Variants in GADL1 observed in about 807,000 individuals in gnomAD.
The protein encoded by GADL1 is acidic amino acid decarboxylase GADL1.
Under a neutral mutation model 69.5 loss-of-function variants are expected in GADL1, and 71 were observed. The ratio of observed to expected loss-of-function variants is 1.02; its 90% CI spans 0.84 to 1.25. The LOEUF is 1.25. GADL1 is among the 50% of genes most tolerant of loss of function. The pLI, the probability that GADL1 is intolerant of heterozygous loss-of-function variation, is 0.00. For missense variants in GADL1, 737 were observed against 631.8 expected (o/e 1.17, Z -1.79); for synonymous variants, 254 against 214.4 (o/e 1.18, Z -1.62).
chr3:30,766,167 AG>A (rs1696270803), intron 14 of GADL1, among the ~76,000 whole-genome samples: 1 of 152,204 alleles, frequency 6.6e-6, no homozygotes, highest in Non-Finnish European at 1.5e-5. Context: ...TATATATCTG[AG>A]GCCTCCAGGA....
In GADL1 at chr3:30,778,369, T is replaced by G. The variant is rs71323027; in HGVS notation, c.1303-101A>C. On this transcript the variant is annotated intron_variant, in intron 13 of 14. Coordinates refer to ENST00000282538, the MANE Select transcript of GADL1 (RefSeq NM_207359.3). ...TAGCTAGTTTCTTCAAGAGTTATCA[T>G]GTGTATAAAATTTTAACATCAGAAT... The G allele has an allele frequency of 5.2e-3, 3,812 of 731,722 alleles. 15 individuals carry two copies. Among genetic ancestry groups the G allele is most frequent in the Middle Eastern group, 8.1e-3 (22 of 2,706 alleles). The allele number at this position is 731,722 out of a possible 1,614,324, so 45.3% of individuals were successfully genotyped here.
At position 30,836,929 on chromosome 3, in the gene GADL1, T is replaced by TA. The variant is rs146679307; in HGVS notation, c.903+2067dup. Reference sequence around the variant, plus strand: ...AACTAGTTTTTCTTATTCGGTTGTTTAAAAAACGCATTATATTACCAAATT... The same window carrying TA: ...AACTAGTTTTTCTTATTCGGTTGTTTAAAAAAACGCATTATATTACCAAATT... On this transcript the variant is annotated intron_variant, in intron 9 of 14. Transcript: ENST00000282538. 0.011 allele frequency among the ~76,000 whole-genome samples: 1,631 copies of TA among 150,498 alleles called. 79 individuals are homozygous for TA. The East Asian group carries it at 0.19, about 17-fold the overall frequency.
chr3:30,755,952 T>C (rs1870702), intron 14 of GADL1, among the ~76,000 whole-genome samples: 64,669 of 151,890 alleles, frequency 0.43, 14,320 homozygotes, highest in African/African-American at 0.53. Flanking sequence ...TCCCACAAGC[T>C]GCCTCCTATA....
chr3:30,789,381 T>A (rs576450900), intron 12 of GADL1, among the ~76,000 whole-genome samples: 4 of 152,212 alleles, frequency 2.6e-5, no homozygotes, highest in Admixed American at 6.5e-5. Context: ...CATAAAGAGA[T>A]GTGCTGTCAC....
In GADL1 at chr3:30,861,587, T is replaced by G. The variant is rs1225432371; in HGVS notation, c.210+6A>C. On this transcript the variant is annotated splice_donor_region_variant and intron_variant, in intron 2 of 14. Transcript: ENST00000282538. ...TCTGCAATTTCTTACAGGTTTTAAT[T>G]TTTACCTTCTCATTGACATCTGTAG... 2 of 1,540,802 alleles carry G rather than the reference T, an allele frequency of 1.3e-6. No homozygotes were observed. The highest frequency in any genetic ancestry group is 2.0e-5 in the Admixed American group (1 of 49,500).
rs573847782 is a variant in GADL1, at chr3:30,804,682, C to T, written c.1051-3594G>A. ...TTTCCACCCACTGACTCCCAACCTG[C>T]CCCTTGGCTATGAATCCCTACTTGT... is the stretch of plus-strand genomic sequence containing the variant. On this transcript the variant is annotated intron_variant, in intron 11 of 14. Transcript: ENST00000282538. 2.6e-5 allele frequency among the ~76,000 whole-genome samples: 4 copies of T among 152,328 alleles called. No homozygotes were observed. The South Asian group carries it at 8.3e-4, about 32-fold the overall frequency.
At chr3:30,754,371 A>AG (rs1553635709) in intron 14 of GADL1, among the ~76,000 whole-genome samples, 3,668 of 152,012 alleles carry the variant, frequency 0.024, 140 homozygotes, top group African/African-American at 0.082. Context: ...TTCAGGAAAG[A>AG]ATATGTTGGG....
intron 8 of GADL1, among the ~76,000 whole-genome samples, chr3:30,840,974 C>T (rs1697956292): frequency 6.6e-6 from 1 of 152,176 alleles, no homozygotes; most frequent in Admixed American, 6.5e-5. Flanking sequence ...ACCTCTGATG[C>T]TTTGTGTTTT....
chr3:30,793,340 C>CT (rs1016465484), intron 12 of GADL1, among the ~76,000 whole-genome samples: 3 of 151,956 alleles, frequency 2.0e-5, no homozygotes, highest in South Asian at 2.1e-4. Context: ...TTCCTCGTAA[C>CT]TTTTTTTTCA....
At chr3:30,815,422 C>A (rs1308417396) in intron 11 of GADL1, among the ~76,000 whole-genome samples, 2 of 152,092 alleles carry the variant, frequency 1.3e-5, no homozygotes, top group Non-Finnish European at 2.9e-5. Flanking sequence ...GTTTCCAAAC[C>A]AAACAAGAAA....
chr3:30,860,055 T>C (rs1698296870), intron 2 of GADL1, among the ~76,000 whole-genome samples: 1 of 151,898 alleles, frequency 6.6e-6, no homozygotes. Flanking sequence ...ATTATTGACC[T>C]TCCTGCTTTC....
chr3:30,835,780 G>T lies in GADL1; in HGVS notation c.904-1499C>A, dbSNP rs543418887. 2.6e-5 allele frequency among the ~76,000 whole-genome samples: 4 copies of T among 152,100 alleles called. No homozygotes were observed. In the East Asian group the frequency reaches 5.8e-4, roughly 22 times the overall value. ...CCTGCGAGCTCTGATGTGTTTCAAG[G>T]GTGTTGGGTGTTCAAATCCCAAGGA... On this transcript the variant is annotated intron_variant, in intron 9 of 14. Coordinates refer to ENST00000282538, the MANE Select transcript of GADL1 (RefSeq NM_207359.3).
intron 2 of GADL1, among the ~76,000 whole-genome samples, chr3:30,858,048 C>T (rs1189445487): frequency 2.0e-5 from 3 of 152,006 alleles, no homozygotes; most frequent in Non-Finnish European, 4.4e-5. Flanking sequence ...TCTATCAATC[C>T]CCTTTAACAT....
rs372857650 is a variant in GADL1 at position 30,849,235 on chromosome 3, C to T, written c.651+761G>A. ...CCCTAGACATGGAAGGGGGCCCAGC[C>T]AAGAGCAGCAAATCTGCCCAGCTAT... On this transcript the variant is annotated intron_variant, in intron 6 of 14. Transcript: ENST00000282538. 2.1e-3 allele frequency among the ~76,000 whole-genome samples: 316 copies of T among 152,170 alleles called. 1 individual carries two copies. Among genetic ancestry groups the T allele is most frequent in the African/African-American group, 7.3e-3 (304 of 41,522 alleles).
At chr3:30,889,898 T>C (rs749789350) in intron 1 of GADL1, among the ~76,000 whole-genome samples, 2 of 152,194 alleles carry the variant, frequency 1.3e-5, no homozygotes, top group Non-Finnish European at 2.9e-5. Context: ...ATCAGAAATA[T>C]AATCAAAAGA....
intron 11 of GADL1, among the ~76,000 whole-genome samples, chr3:30,826,743 C>T (rs1697688452): frequency 1.3e-5 from 2 of 151,748 alleles, no homozygotes; most frequent in African/African-American, 4.8e-5. Flanking sequence ...AGTATCTCTT[C>T]TACTTGTCCA....
At chr3:30,828,513 C>T (rs556109517) in intron 11 of GADL1, among the ~76,000 whole-genome samples, 4 of 151,178 alleles carry the variant, frequency 2.6e-5, no homozygotes, top group Non-Finnish European at 5.9e-5. Context: ...ATATTCCAAG[C>T]CTCCTCTAGA....
chr3:30,759,148 G>A (rs1241529498), intron 14 of GADL1, among the ~76,000 whole-genome samples: 2 of 152,084 alleles, frequency 1.3e-5, no homozygotes, highest in East Asian at 1.9e-4. Context: ...TCCACAATTC[G>A]ACAGGCCTCT....
intron 3 of GADL1, among the ~76,000 whole-genome samples, chr3:30,855,154 T>C (rs76156865): frequency 0.054 from 8,240 of 152,014 alleles, 295 homozygotes; most frequent in Non-Finnish European, 0.075. Context: ...TATACCTCAT[T>C]CTAAAAAAAT....
Sources: allele counts gnomAD v4.1 joint callset (sites outside exome capture counted in the v4.1 genomes callset), GRCh38; gene constraint gnomAD v4.1.1; transcripts MANE v1.5; gene names NCBI Gene and HGNC (gene_info 2026-07-23, HGNC 2026-07-21).